ZNF611: variants seen among roughly 807,000 people sequenced by gnomAD.
ZNF611 encodes the protein zinc finger protein 611.
ZNF611 carries 6 observed loss-of-function variants against 8.9 expected under a neutral mutation model. The observed-to-expected ratio is 0.68, with a 90% CI of 0.37 to 1.34. ZNF611 has a LOEUF of 1.34. Ranked by LOEUF, ZNF611 falls within the 40% of genes most tolerant of loss-of-function variation. The probability of loss-of-function intolerance (pLI) is 0.02; values close to 1 mark genes in which losing one functional copy is unlikely to be tolerated. For missense variants in ZNF611, 874 were observed against 841.3 expected (o/e 1.04, Z -0.48); for synonymous variants, 262 against 279.7 (o/e 0.94, Z 0.63).
intron 3 of ZNF611, among the ~76,000 whole-genome samples, chr19:52,725,846 G>A (rs2062389067): frequency 6.6e-6 from 1 of 152,026 alleles, no homozygotes; most frequent in South Asian, 2.1e-4. Flanking sequence ...GGCGGGGCGC[G>A]AGGCGGAGAG....
At position 52,706,249 on chromosome 19, in the gene ZNF611, T is replaced by G. The variant is rs778611682; in HGVS notation, c.806A>C (p.Asn269Thr). 1 of 1,614,206 alleles carries G rather than the reference T, an allele frequency of 6.2e-7. No individual in the cohort carries two copies. Among genetic ancestry groups the G allele is most frequent in the South Asian group, 1.1e-5 (1 of 91,080 alleles). The part of the protein sequence containing the change: ...YKCDVCGKLF[N>T]HEQYLACHDR... ...ATGGCATGCAAGGTATTGCTCGTGA[T>G]TAAAGAGCTTGCCACATACATCACA... Residue 269 changes from asparagine (N) to threonine (T), a missense_variant, in exon 6 of 6, where the codon AAT becomes ACT. Coordinates refer to ENST00000652185, the MANE Select transcript of ZNF611 (RefSeq NM_001161499.2).
intron 1 of ZNF611, among the ~76,000 whole-genome samples, chr19:52,731,192 G>T (rs2062423754): frequency 6.6e-6 from 1 of 152,112 alleles, no homozygotes; most frequent in South Asian, 2.1e-4. Flanking sequence ...TCAGCCTCCA[G>T]AGTAGCTGAA....
rs201228326 is a variant in ZNF611, at chr19:52,704,937, C to G, written c.2118G>C (p.Ter706TyrextTer84). The change falls in exon 6 of 6, where the codon TAG becomes TAC. Residue 706 changes from the stop codon to tyrosine, a stop_lost. Coordinates refer to ENST00000652185, the MANE Select transcript of ZNF611 (RefSeq NM_001161499.2). Reference sequence around the variant, plus strand: ...AAACTTTGTCACATGCTTCACATTTCTAAGGTTTCTCTCCAGTATGAATTC... The same window carrying G: ...AAACTTTGTCACATGCTTCACATTTGTAAGGTTTCTCTCCAGTATGAATTC... Reference protein sequence around the residue: ...HHRIHTGEKP* With the variant: ...HHRIHTGEKPY 7.4e-6 allele frequency: 12 copies of G among 1,613,580 alleles called. No individual in the cohort carries two copies. The highest frequency in any genetic ancestry group is 1.3e-5 in the African/African-American group (1 of 74,850).
chr19:52,731,551 T>G (rs2062425865), intron 1 of ZNF611, among the ~76,000 whole-genome samples: 1 of 151,794 alleles, frequency 6.6e-6, no homozygotes. Flanking sequence ...TTTTTTTTTG[T>G]AGAGATGGGG....
intron 1 of ZNF611, among the ~76,000 whole-genome samples, chr19:52,733,468 T>A (rs947706788): frequency 1.3e-5 from 2 of 152,022 alleles, no homozygotes; most frequent in Admixed American, 1.3e-4. Context: ...GCCCGGTTAT[T>A]TACTTACTTT....
intron 5 of ZNF611, chr19:52,708,675 G>A (rs1331246011): frequency 6.6e-6 from 1 of 151,836 alleles, no homozygotes; most frequent in Non-Finnish European, 1.5e-5. Context: ...ATCCTACGAA[G>A]AATACAAAAA....
rs537617334 is a variant in ZNF611, at chr19:52,717,330, G to A, written c.-19-1417C>T. On this transcript the variant is annotated intron_variant, in intron 3 of 5. Coordinates refer to ENST00000652185, the MANE Select transcript of ZNF611 (RefSeq NM_001161499.2). ...AAATGGGAGATCACAAAGGAAACCC[G>A]GAGAAGATGATACCAGAACAAGGAC... Among the ~76,000 whole-genome samples, 19 of 152,262 alleles carry A rather than the reference G, an allele frequency of 1.2e-4. No homozygotes were observed. The East Asian group carries it at 3.3e-3, about 26-fold the overall frequency.
At chr19:52,730,498 T>C (rs1239271804) in intron 1 of ZNF611, among the ~76,000 whole-genome samples, 1 of 151,768 alleles carries the variant, frequency 6.6e-6, no homozygotes, top group Non-Finnish European at 1.5e-5. Flanking sequence ...CAATAGGATG[T>C]TCCTGCAGAT....
At chr19:52,715,722 G>A (rs1477997760) in intron 4 of ZNF611, 110 bp downstream of exon 4, 3 of 1,534,402 alleles carry the variant, frequency 2.0e-6, no homozygotes, top group Non-Finnish European at 2.6e-6. Context: ...GTGAGTGCGA[G>A]TGAACGTGTC....
At chr19:52,734,542 G>GT (rs1568612506) in intron 1 of ZNF611, among the ~76,000 whole-genome samples, 3 of 54,688 alleles carry the variant, frequency 5.5e-5, no homozygotes. Context: ...GGGGCGGGGG[G>GT]GGGGGGCGCG....
intron 4 of ZNF611, among the ~76,000 whole-genome samples, 170 bp downstream of exon 4, chr19:52,715,662 A>C (rs1359130820): frequency 2.6e-5 from 4 of 152,126 alleles, no homozygotes; most frequent in Non-Finnish European, 5.9e-5. Context: ...TCACTGGGTC[A>C]CAGGAGATGG....
chr19:52,730,133 C>A (rs974561616), intron 1 of ZNF611, 128 bp from the exon 2 acceptor site: 1 of 151,958 alleles, frequency 6.6e-6, no homozygotes, highest in African/African-American at 2.4e-5. Flanking sequence ...GTGGCTCAAG[C>A]CTGTAATCCC....
intron 3 of ZNF611, among the ~76,000 whole-genome samples, chr19:52,724,990 G>T (rs115209252): frequency 1.1e-4 from 17 of 151,936 alleles, no homozygotes; most frequent in African/African-American, 3.6e-4. Context: ...CATCTGTTAC[G>T]GGCCTTTCTC....
At chr19:52,727,459 A>AC (rs61488904) in intron 3 of ZNF611, among the ~76,000 whole-genome samples, 5,608 of 152,272 alleles carry the variant, frequency 0.037, 308 homozygotes, top group African/African-American at 0.12. Flanking sequence ...CCTTGGTCAC[A>AC]CATAGTTCAT....
At chr19:52,718,305 A>C (rs1426788110) in intron 3 of ZNF611, among the ~76,000 whole-genome samples, 3 of 152,072 alleles carry the variant, frequency 2.0e-5, no homozygotes, top group African/African-American at 7.2e-5. Context: ...ATGCCACTGC[A>C]CACCAGCCTG....
intron 1 of ZNF611, 22 bp downstream of exon 1, chr19:52,734,979 T>C (rs1231642648): frequency 6.5e-6 from 1 of 152,858 alleles, no homozygotes; most frequent in African/African-American, 2.4e-5. Flanking sequence ...GCAGACTTAA[T>C]ACAACACAGA....
At chr19:52,724,550 CTTAT>C (rs1401833606) in intron 3 of ZNF611, 4 of 152,124 alleles carry the variant, frequency 2.6e-5, no homozygotes, top group Non-Finnish European at 4.4e-5. Context: ...TTCCCCAAAC[CTTAT>C]TTAACCTCTT....
intron 5 of ZNF611, among the ~76,000 whole-genome samples, chr19:52,707,940 G>C (rs1448582748): frequency 6.6e-6 from 1 of 152,142 alleles, no homozygotes; most frequent in Admixed American, 6.6e-5. Flanking sequence ...GGCACTTTGT[G>C]ACATTAACGA....
intron 4 of ZNF611, among the ~76,000 whole-genome samples, chr19:52,714,800 C>A (rs2062305362): frequency 6.7e-6 from 1 of 150,124 alleles, no homozygotes; most frequent in African/African-American, 2.5e-5. Context: ...GAGATTGAGA[C>A]CATCCTGGTC....
Sources: allele counts gnomAD v4.1 joint callset (sites outside exome capture counted in the v4.1 genomes callset), GRCh38; gene constraint gnomAD v4.1.1; transcripts MANE v1.5; gene names NCBI Gene and HGNC (gene_info 2026-07-23, HGNC 2026-07-21).